IMPG1: variants seen among roughly 807,000 people sequenced by gnomAD.
IMPG1 encodes the protein interphotoreceptor matrix proteoglycan of 150 kDa.
IMPG1 carries 85 observed loss-of-function variants against 92.0 expected under a neutral mutation model. The observed-to-expected ratio is 0.92, with a 90% CI of 0.78 to 1.11. The LOEUF is 1.11. Among genes scored for constraint, IMPG1 ranks in the 50% least tolerant of loss-of-function variants. The probability of loss-of-function intolerance (pLI) is 0.00; values close to 1 mark genes in which losing one functional copy is unlikely to be tolerated. For synonymous variants in IMPG1, 367 were observed against 334.1 expected (o/e 1.10, Z -1.08); for missense variants, 1,022 against 956.0 (o/e 1.07, Z -0.91).
In IMPG1 at chr6:76,005,387, T is replaced by C; in HGVS notation, c.1035A>G (p.Gln345=). The C allele has an allele frequency of 6.2e-7, 1 of 1,614,100 alleles. No individual in the cohort carries two copies. Among genetic ancestry groups the C allele is most frequent in the East Asian group, 2.2e-5 (1 of 44,884 alleles). Residue 345 remains glutamine, a synonymous_variant, in exon 10 of 17, where the codon CAA becomes CAG. Transcript: ENST00000369950. ...VYHGTMEEDK[Q]PEIYLTATDL... ...CTGTAGCTGTGAGATAGATTTCTGG[T>C]TGCTTGTCCTCCTCCATGGTTCCAT...
At chr6:76,060,637 T>G (rs1339016051) in intron 1 of IMPG1, among the ~76,000 whole-genome samples, 2 of 152,174 alleles carry the variant, frequency 1.3e-5, no homozygotes, top group Non-Finnish European at 2.9e-5. Context: ...GGTCCAGTGG[T>G]TGCTGAAAAC....
At chr6:75,992,728 C>T (rs1215095021) in intron 12 of IMPG1, among the ~76,000 whole-genome samples, 1 of 152,122 alleles carries the variant, frequency 6.6e-6, no homozygotes, top group Non-Finnish European at 1.5e-5. Flanking sequence ...GATATATATC[C>T]TTCCCCTACT....
chr6:75,985,229 G>A lies in IMPG1; in HGVS notation c.1291+17689C>T, dbSNP rs532554051. On this transcript the variant is annotated intron_variant, in intron 12 of 16. Transcript: ENST00000369950. ...TGTCTGAAGTGGTTTTGTTTTTCTGGTTAGATTCTGAATGATATGGATCAA... is the reference window on the plus strand; with the variant it reads ...TGTCTGAAGTGGTTTTGTTTTTCTGATTAGATTCTGAATGATATGGATCAA... Among the ~76,000 whole-genome samples the A allele has an allele frequency of 2.6e-5, 4 of 152,240 alleles. No homozygotes were observed. In the South Asian group the frequency reaches 8.3e-4, roughly 32 times the overall value.
chr6:76,058,798 C>T (rs757984918), intron 1 of IMPG1, among the ~76,000 whole-genome samples: 3 of 152,148 alleles, frequency 2.0e-5, no homozygotes, highest in Non-Finnish European at 2.9e-5. Context: ...TGTTTTGTGG[C>T]AACACTCCGT....
At chr6:76,009,609 A>C (rs895589033) in intron 8 of IMPG1, among the ~76,000 whole-genome samples, 1 of 152,244 alleles carries the variant, frequency 6.6e-6, no homozygotes, top group Non-Finnish European at 1.5e-5. Context: ...TCTTCATGTC[A>C]TCATGGAAAT....
At chr6:75,923,178 T>G (rs1562333944) in intron 16 of IMPG1, among the ~76,000 whole-genome samples, 2 of 152,130 alleles carry the variant, frequency 1.3e-5, no homozygotes, top group African/African-American at 2.4e-5. Flanking sequence ...CTGAAAAACA[T>G]CTGAAGATGA....
chr6:76,001,627 A>G (rs1782991262), intron 12 of IMPG1, among the ~76,000 whole-genome samples: 1 of 152,186 alleles, frequency 6.6e-6, no homozygotes. Flanking sequence ...CCCCCAGCCA[A>G]CAGCTTTGGG....
chr6:76,050,458 TG>T (rs1784022210), intron 1 of IMPG1, among the ~76,000 whole-genome samples: 2 of 151,960 alleles, frequency 1.3e-5, no homozygotes, highest in South Asian at 4.1e-4. Context: ...AAATTAGGTT[TG>T]GATCACCTAA....
Position 76,025,233 on chromosome 6 carries a change from T to C in IMPG1, c.523A>G (p.Thr175Ala). The C allele has an allele frequency of 6.2e-7, 1 of 1,600,664 alleles. No homozygotes were observed. Among genetic ancestry groups the C allele is most frequent in the African/African-American group, 1.3e-5 (1 of 74,776 alleles). Reference sequence around the variant, plus strand: ...ATGGTTTCACCAGGCTCTCCCAATGTCTTCTCTGCAGATATTTCATCTTTT... The same window carrying C: ...ATGGTTTCACCAGGCTCTCCCAATGCCTTCTCTGCAGATATTTCATCTTTT... Reference protein sequence around the residue: ...DRKDEISAEKTLGEPGETIVI... With the variant: ...DRKDEISAEKALGEPGETIVI... The change falls in exon 5 of 17, where the codon ACA becomes GCA. Residue 175 changes from threonine (T) to alanine (A), a missense_variant. By Grantham distance (58) the Thr-to-Ala change is moderately conservative (BLOSUM62 0). Around this residue, in one of 3 missense-constraint regions of IMPG1, gnomAD observed 681 missense variants for 583.6 expected, o/e 1.17. Coordinates refer to ENST00000369950, the MANE Select transcript of IMPG1 (RefSeq NM_001563.4).
chr6:75,935,124 G>A (rs1481995958), intron 14 of IMPG1: 1 of 437,672 alleles, frequency 2.3e-6, no homozygotes, highest in African/African-American at 2.0e-5. Context: ...AGAAGCAAGA[G>A]TAGACTTCGG....
chr6:76,033,491 A>T (rs1012719871), intron 4 of IMPG1, among the ~76,000 whole-genome samples: 2 of 152,262 alleles, frequency 1.3e-5, no homozygotes, highest in Non-Finnish European at 2.9e-5. Flanking sequence ...CATAAATCTA[A>T]CAGCAGTTGT....
At position 76,064,253 on chromosome 6, in the gene IMPG1, G is replaced by A. The variant is rs113996936; in HGVS notation, c.67+8169C>T. Among the ~76,000 whole-genome samples, 296 of 152,248 alleles carry A rather than the reference G, an allele frequency of 1.9e-3. 1 individual carries two copies. The highest frequency in any genetic ancestry group is 6.9e-3 in the African/African-American group (285 of 41,558). On this transcript the variant is annotated intron_variant, in intron 1 of 16. Coordinates refer to ENST00000369950, the MANE Select transcript of IMPG1 (RefSeq NM_001563.4). ...GGCTGGGGCTTGCAGGAAAGGTAAG[G>A]TGTCTCCCCTTCTGTCATGGAGTGG... is the stretch of plus-strand genomic sequence containing the variant.
In IMPG1 at chr6:76,034,715, T is replaced by G. The variant is rs1284443782; in HGVS notation, c.374A>C (p.Asp125Ala). 26 of 1,614,096 alleles carry G rather than the reference T, an allele frequency of 1.6e-5. No homozygotes were observed. Among genetic ancestry groups the G allele is most frequent in the Non-Finnish European group, 2.2e-5 (26 of 1,179,978 alleles). ...DRIPDTGEYQ[D>A]WVSICQQETF... ...CTCCTGCTGGCAGATGCTGACCCAG[T>G]CCTGATATTCCCCTGTGTCAGGGAT... Residue 125 changes from aspartate to alanine, a missense_variant, in exon 3 of 17, where the codon GAC becomes GCC. Transcript: ENST00000369950.
At chr6:75,966,976 G>A (rs901158572) in intron 12 of IMPG1, among the ~76,000 whole-genome samples, 1 of 152,108 alleles carries the variant, frequency 6.6e-6, no homozygotes, top group African/African-American at 2.4e-5. Flanking sequence ...TCAGGAGTTC[G>A]AGACTAGCCT....
In IMPG1 at chr6:75,969,630, G is replaced by T. The variant is rs138662257; in HGVS notation, c.1292-18536C>A. 3.9e-4 allele frequency among the ~76,000 whole-genome samples: 60 copies of T among 152,078 alleles called. 1 individual carries two copies. The East Asian group carries it at 0.01, about 27-fold the overall frequency. On this transcript the variant is annotated intron_variant, in intron 12 of 16. Coordinates refer to ENST00000369950, the MANE Select transcript of IMPG1 (RefSeq NM_001563.4). ...TGCCTGTAGTCCCAGCTGCTCAGGA[G>T]GTTGAGGCAGGAGAATTGCTGGAAC...
At position 75,954,386 on chromosome 6, in the gene IMPG1, T is replaced by G. The variant is rs369583669; in HGVS notation, c.1292-3292A>C. ...CAGTGATGATGAGCTTTTTTTCATA[T>G]GTTTGTTGGCCGCATAAATGTCTCC... On this transcript the variant is annotated intron_variant, in intron 12 of 16. Coordinates refer to ENST00000369950, the MANE Select transcript of IMPG1 (RefSeq NM_001563.4). 6.0e-4 allele frequency among the ~76,000 whole-genome samples: 91 copies of G among 152,354 alleles called. 1 individual carries two copies. The East Asian group carries it at 0.013, about 21-fold the overall frequency.
At chr6:75,938,091 T>G (rs891790473) in intron 14 of IMPG1, among the ~76,000 whole-genome samples, 1 of 152,240 alleles carries the variant, frequency 6.6e-6, no homozygotes, top group African/African-American at 2.4e-5. Flanking sequence ...TGGCTTATAC[T>G]TTTTATATCA....
chr6:76,047,776 A>G (rs1783971642), intron 1 of IMPG1, among the ~76,000 whole-genome samples: 1 of 152,212 alleles, frequency 6.6e-6, no homozygotes. Flanking sequence ...TAGACTATGA[A>G]AAAATGCTTC....
intron 12 of IMPG1, among the ~76,000 whole-genome samples, chr6:75,952,054 A>G (rs1782043050): frequency 6.6e-6 from 1 of 152,224 alleles, no homozygotes; most frequent in South Asian, 2.1e-4. Flanking sequence ...GGGTAAGTAC[A>G]CATTGAACTA....
Sources: allele counts gnomAD v4.1 joint callset (sites outside exome capture counted in the v4.1 genomes callset), GRCh38; gene constraint gnomAD v4.1.1; regional missense constraint gnomAD v4.1.1; transcripts MANE v1.5; gene names NCBI Gene and HGNC (gene_info 2026-07-23, HGNC 2026-07-21).